The following ATP8A2 variants were observed in gnomAD, a reference collection of about 807,000 sequenced individuals.
ATP8A2 encodes phospholipid-transporting ATPase IB.
ATP8A2 carries 100 observed loss-of-function variants against 165.6 expected under a neutral mutation model. That is an observed-to-expected ratio of 0.60 (90% CI 0.51 to 0.71). The LOEUF (loss-of-function observed/expected upper bound fraction) is 0.71, where lower values mean the gene tolerates loss of function less well. Among genes scored for constraint, ATP8A2 ranks in the 30% least tolerant of loss-of-function variants. The pLI is 0.00. For synonymous variants in ATP8A2, 543 were observed against 548.8 expected (o/e 0.99, Z 0.15); for missense variants, 1,227 against 1,479.5 (o/e 0.83, Z 2.80).
chr13:25,581,427 A>G (rs531621547), intron 22 of ATP8A2, among the ~76,000 whole-genome samples: 1 of 152,156 alleles, frequency 6.6e-6, no homozygotes, highest in African/African-American at 2.4e-5. Context: ...TTTGCCAGGT[A>G]AGTGTATTAT....
chr13:25,828,122 G>T lies in ATP8A2; in HGVS notation c.2684G>T (p.Trp895Leu). The T allele has an allele frequency of 6.2e-7, 1 of 1,613,626 alleles. No individual in the cohort carries two copies. The highest frequency in any genetic ancestry group is 8.5e-7 in the Non-Finnish European group (1 of 1,179,596). Reference protein sequence around the residue: ...KNVVLYIIELWFAFVNGFSGQ... With the variant: ...KNVVLYIIELLFAFVNGFSGQ... The stretch of plus-strand genomic sequence containing the variant: ...ATGAGCTTTCTTCTCTTTCAGCTTT[G>T]GTTCGCCTTTGTTAATGGATTTTCT... Residue 895 changes from tryptophan (W) to leucine (L), a missense_variant, in exon 28 of 37, where the codon TGG becomes TTG. By Grantham distance (61) the Trp-to-Leu change is moderately conservative. Coordinates refer to ENST00000381655, the MANE Select transcript of ATP8A2 (RefSeq NM_016529.6).
intron 23 of ATP8A2, among the ~76,000 whole-genome samples, chr13:25,588,263 C>T (rs925327645): frequency 1.3e-5 from 2 of 152,134 alleles, no homozygotes; most frequent in Admixed American, 6.6e-5. Flanking sequence ...AATACACAAA[C>T]GAAATTTTTT....
intron 33 of ATP8A2, 26 bp downstream of exon 33, chr13:25,862,434 T>A: frequency 2.6e-6 from 4 of 1,544,690 alleles, no homozygotes; most frequent in Non-Finnish European, 2.7e-6. Context: ...TGGGAGTGTG[T>A]CTTCTGTGTC....
At chr13:25,502,960 G>A (rs1438775433) in intron 2 of ATP8A2, among the ~76,000 whole-genome samples, 1 of 152,174 alleles carries the variant, frequency 6.6e-6, no homozygotes, top group Non-Finnish European at 1.5e-5. Flanking sequence ...AGCTTGAGAA[G>A]AGACCAGTTG....
chr13:26,002,848 C>CTG (rs199795279), intron 35 of ATP8A2, among the ~76,000 whole-genome samples: 10,083 of 134,564 alleles, frequency 0.075, 610 homozygotes, highest in African/African-American at 0.18. Context: ...TAGTATTCCA[C>CTG]TGTGTGTGTG....
chr13:26,009,725 G>A (rs577590503), intron 35 of ATP8A2, among the ~76,000 whole-genome samples: 3 of 152,266 alleles, frequency 2.0e-5, no homozygotes, highest in African/African-American at 4.8e-5. Flanking sequence ...GAAGGGCTGC[G>A]GCACAGAGTG....
At chr13:25,499,446 G>C (rs1020832588) in intron 2 of ATP8A2, among the ~76,000 whole-genome samples, 1 of 152,204 alleles carries the variant, frequency 6.6e-6, no homozygotes, top group South Asian at 2.1e-4. Flanking sequence ...TGTCATGTTT[G>C]GGGGGTTGAA....
chr13:25,404,518 G>T (rs1442426764), intron 1 of ATP8A2, among the ~76,000 whole-genome samples: 1 of 152,028 alleles, frequency 6.6e-6, no homozygotes. Flanking sequence ...AAGCATTCAA[G>T]GAGAGGAATA....
chr13:25,952,876 A>G (rs573809478), intron 33 of ATP8A2, among the ~76,000 whole-genome samples: 4 of 152,328 alleles, frequency 2.6e-5, no homozygotes, highest in Admixed American at 2.0e-4. Context: ...ATCCTTCCTA[A>G]AAAGGTTCAT....
chr13:25,949,378 C>T (rs982551673), intron 33 of ATP8A2, among the ~76,000 whole-genome samples: 4 of 152,232 alleles, frequency 2.6e-5, no homozygotes, highest in African/African-American at 9.6e-5. Flanking sequence ...AAATACTGCG[C>T]GTTGACATTG....
chr13:25,616,533 T>C (rs2040832436), intron 24 of ATP8A2, among the ~76,000 whole-genome samples: 1 of 151,992 alleles, frequency 6.6e-6, no homozygotes, highest in South Asian at 2.1e-4. Flanking sequence ...GGTTTCACCA[T>C]GTTGGCCAGG....
chr13:25,952,088 G>A (rs80271611), intron 33 of ATP8A2, among the ~76,000 whole-genome samples: 1 of 152,088 alleles, frequency 6.6e-6, no homozygotes, highest in Non-Finnish European at 1.5e-5. Context: ...CTGTGGGATC[G>A]CTTCATTGTT....
intron 30 of ATP8A2, among the ~76,000 whole-genome samples, chr13:25,845,123 A>G (rs1397766296): frequency 6.6e-6 from 1 of 152,182 alleles, no homozygotes; most frequent in Non-Finnish European, 1.5e-5. Context: ...TCTTCCAACC[A>G]TCACAGCCAT....
At chr13:25,376,259 T>C (rs557895727) in intron 1 of ATP8A2, among the ~76,000 whole-genome samples, 1 of 152,384 alleles carries the variant, frequency 6.6e-6, no homozygotes, top group Non-Finnish European at 1.5e-5. Flanking sequence ...TCATTGATTC[T>C]ATATGGTTTT....
chr13:25,883,934 G>T (rs1246649351), intron 33 of ATP8A2, among the ~76,000 whole-genome samples: 1 of 152,190 alleles, frequency 6.6e-6, no homozygotes, highest in Non-Finnish European at 1.5e-5. Flanking sequence ...TTAAAATCTG[G>T]CTGAGAATGA....
rs1475752418 is a variant in ATP8A2 at position 25,581,799 on chromosome 13, A to G, written c.2008-20A>G. ...TTAAGTATGTGCCAATCTTTAACTG[A>G]GGATATTTTTTCAATGTAGAATTTG... On this transcript the variant is annotated intron_variant, in intron 22 of 36. Coordinates refer to ENST00000381655, the MANE Select transcript of ATP8A2 (RefSeq NM_016529.6). 3.1e-6 allele frequency: 5 copies of G among 1,611,552 alleles called. No individual in the cohort carries two copies. In the South Asian group the frequency reaches 5.5e-5, roughly 18 times the overall value.
At chr13:25,681,765 A>C in intron 24 of ATP8A2, among the ~76,000 whole-genome samples, 1 of 152,230 alleles carries the variant, frequency 6.6e-6, no homozygotes, top group East Asian at 1.9e-4. Flanking sequence ...AAACACCTCC[A>C]AATGATTTAT....
intron 25 of ATP8A2, among the ~76,000 whole-genome samples, chr13:25,731,416 A>G (rs1349582234): frequency 6.6e-6 from 1 of 152,164 alleles, no homozygotes. Context: ...AGAAAGAGAG[A>G]GGTGGGAATA....
chr13:25,607,586 T>G (rs908484692), intron 24 of ATP8A2, among the ~76,000 whole-genome samples: 3 of 152,212 alleles, frequency 2.0e-5, no homozygotes, highest in Non-Finnish European at 4.4e-5. Flanking sequence ...TGTAACATAT[T>G]TACTATCTGG....
Sources: gnomAD v4.1 joint callset for allele counts (sites outside exome capture counted in the v4.1 genomes callset) on GRCh38, gnomAD v4.1.1 for gene constraint, MANE v1.5 for transcripts, NCBI Gene and HGNC (gene_info 2026-07-23, HGNC 2026-07-21) for gene names.